The following PTPRD variants were observed in gnomAD, a reference collection of about 807,000 sequenced individuals.
PTPRD encodes receptor-type tyrosine-protein phosphatase delta.
PTPRD carries 34 observed loss-of-function variants against 214.5 expected under a neutral mutation model. The observed-to-expected ratio is 0.16, with a 90% confidence interval of 0.12 to 0.21. PTPRD has a LOEUF of 0.21. Among genes scored for constraint, PTPRD ranks in the 10% least tolerant of loss-of-function variants. PTPRD has a pLI of 1.00. For synonymous variants in PTPRD, 1,128 were observed against 845.7 expected (o/e 1.33, Z -5.79); for missense variants, 2,545 against 2,398.7 (o/e 1.06, Z -1.27).
At chr9:8,494,583 T>C (rs535780455) in intron 26 of PTPRD, among the ~76,000 whole-genome samples, 22 of 152,344 alleles carry the variant, frequency 1.4e-4, no homozygotes, top group African/African-American at 5.3e-4. Flanking sequence ...AAAGCAGTCA[T>C]GGCTAACTGG....
At chr9:9,624,395 G>T (rs1405756945) in intron 7 of PTPRD, among the ~76,000 whole-genome samples, 1 of 151,956 alleles carries the variant, frequency 6.6e-6, no homozygotes, top group Non-Finnish European at 1.5e-5. Context: ...TGATTCTCCT[G>T]CCTCAGCCTC....
At chr9:9,580,618 T>A (rs147454551) in intron 7 of PTPRD, among the ~76,000 whole-genome samples, 1,569 of 149,478 alleles carry the variant, frequency 0.01, 14 homozygotes, top group Non-Finnish European at 0.016. Context: ...GTGTGATCTC[T>A]GCTCACTGCA....
chr9:9,043,950 AAAATAAAATG>A, intron 10 of PTPRD, among the ~76,000 whole-genome samples: 1 of 142,116 alleles, frequency 7.0e-6, no homozygotes, highest in East Asian at 2.3e-4. Flanking sequence ...AAAATAAAAT[AAAATAAAATG>A]AAAGTAAAAT....
chr9:8,879,614 G>A (rs2098424945), intron 11 of PTPRD, among the ~76,000 whole-genome samples: 1 of 152,118 alleles, frequency 6.6e-6, no homozygotes, highest in Non-Finnish European at 1.5e-5. Flanking sequence ...GTGAATTATA[G>A]ATTTATCAAA....
chr9:9,307,349 G>T (rs896467175), intron 9 of PTPRD, among the ~76,000 whole-genome samples: 1 of 152,110 alleles, frequency 6.6e-6, no homozygotes, highest in African/African-American at 2.4e-5. Context: ...AGAAAGTGAA[G>T]AAACCTTCCT....
intron 11 of PTPRD, among the ~76,000 whole-genome samples, chr9:9,003,591 A>G (rs1251342301): frequency 1.3e-5 from 2 of 152,060 alleles, no homozygotes; most frequent in Admixed American, 6.6e-5. Context: ...TGCCAGTTAA[A>G]CAGTCATCTA....
chr9:9,944,266 C>A (rs1309326249), intron 4 of PTPRD, among the ~76,000 whole-genome samples: 2 of 152,158 alleles, frequency 1.3e-5, no homozygotes, highest in Non-Finnish European at 2.9e-5. Flanking sequence ...CTACTTATAA[C>A]AATCTGTCTC....
At chr9:10,149,415 A>T (rs1428416965) in intron 3 of PTPRD, among the ~76,000 whole-genome samples, 1 of 152,218 alleles carries the variant, frequency 6.6e-6, no homozygotes, top group Non-Finnish European at 1.5e-5. Context: ...ACATGAACAA[A>T]TCCTAGTTTC....
At chr9:9,369,037 T>G (rs1472181361) in intron 9 of PTPRD, among the ~76,000 whole-genome samples, 4 of 152,066 alleles carry the variant, frequency 2.6e-5, no homozygotes, top group Non-Finnish European at 4.4e-5. Context: ...TTGCGATAGT[T>G]TGCTGAGAAT....
chr9:10,060,489 T>C (rs1266344343), intron 3 of PTPRD, among the ~76,000 whole-genome samples: 5 of 152,120 alleles, frequency 3.3e-5, no homozygotes, highest in East Asian at 3.9e-4. Flanking sequence ...CCTACAAATA[T>C]ATGAGGTATA....
At chr9:9,575,799 G>C (rs530502497) in intron 7 of PTPRD, among the ~76,000 whole-genome samples, 2 of 134,782 alleles carry the variant, frequency 1.5e-5, no homozygotes, top group Non-Finnish European at 3.2e-5. Context: ...AAAAAAAATA[G>C]TTACTGAGCC....
At chr9:10,523,661 AAAG>A (rs1295874320) in intron 2 of PTPRD, among the ~76,000 whole-genome samples, 1 of 143,530 alleles carries the variant, frequency 7.0e-6, no homozygotes, top group East Asian at 2.1e-4. Context: ...AGAGAGAAAT[AAAG>A]AGAGAGAGAG....
intron 3 of PTPRD, among the ~76,000 whole-genome samples, chr9:10,116,366 T>C (rs1010816717): frequency 1.3e-5 from 2 of 152,144 alleles, no homozygotes; most frequent in Admixed American, 6.6e-5. Flanking sequence ...TAATTGATTA[T>C]GAATATAGGC....
At chr9:9,744,121 G>T (rs2821468) in intron 6 of PTPRD, among the ~76,000 whole-genome samples, 75,415 of 151,830 alleles carry the variant, frequency 0.5, 22,376 homozygotes, top group African/African-American at 0.82. Flanking sequence ...CACCATTTTC[G>T]ATAGGAATTT....
chr9:8,762,283 ATTTG>A (rs1379857983), intron 11 of PTPRD, among the ~76,000 whole-genome samples: 1 of 152,118 alleles, frequency 6.6e-6, no homozygotes, highest in East Asian at 1.9e-4. Context: ...ACTTTTGGGA[ATTTG>A]TTTGGTTTTG....
At chr9:8,788,342 C>A (rs921457383) in intron 11 of PTPRD, among the ~76,000 whole-genome samples, 1 of 131,492 alleles carries the variant, frequency 7.6e-6, no homozygotes, top group African/African-American at 2.7e-5. Context: ...ATGGCACAAT[C>A]TCAGCTCACC....
At chr9:10,409,468 A>G (rs1176390033) in intron 2 of PTPRD, among the ~76,000 whole-genome samples, 1 of 151,796 alleles carries the variant, frequency 6.6e-6, no homozygotes, top group East Asian at 2.0e-4. Flanking sequence ...ATCCATAAAT[A>G]TGAACATGAC....
At chr9:10,106,687 G>A (rs866088458) in intron 3 of PTPRD, among the ~76,000 whole-genome samples, 3 of 150,338 alleles carry the variant, frequency 2.0e-5, no homozygotes, top group South Asian at 2.1e-4. Context: ...GATGTATTTA[G>A]AAAAAAAAAT....
At chr9:9,524,706 T>C (rs1421676010) in intron 8 of PTPRD, among the ~76,000 whole-genome samples, 1 of 152,242 alleles carries the variant, frequency 6.6e-6, no homozygotes, top group Admixed American at 6.5e-5. Flanking sequence ...CCTGACTGTA[T>C]TATCTTTGAT....
Sources: gnomAD v4.1 joint callset for allele counts (sites outside exome capture counted in the v4.1 genomes callset) on GRCh38, gnomAD v4.1.1 for gene constraint, MANE v1.5 for transcripts, NCBI Gene and HGNC (gene_info 2026-07-23, HGNC 2026-07-21) for gene names.